Variants in TBXAS1 observed in about 807,000 individuals in gnomAD.
TBXAS1 encodes the protein thromboxane A synthase 1.
In TBXAS1, 48 loss-of-function variants were observed where a neutral mutation model predicts 60.7. That is an observed-to-expected ratio of 0.79 (90% CI 0.63 to 1.01). TBXAS1 has a LOEUF of 1.01. Ranked by LOEUF, TBXAS1 falls within the 50% of genes least tolerant of loss-of-function variation. TBXAS1 has a pLI of 0.00. For missense variants in TBXAS1, 685 were observed against 686.3 expected (o/e 1.00, Z 0.02); for synonymous variants, 287 against 269.7 (o/e 1.06, Z -0.63).
chr7:139,911,142 C>T (rs1805484249), intron 3 of TBXAS1, 83 bp from the exon 4 acceptor site: 8 of 1,176,836 alleles, frequency 6.8e-6, no homozygotes, highest in Non-Finnish European at 1.0e-5. Flanking sequence ...TTTTATCCCT[C>T]ATTCTAAGCT....
intron 3 of TBXAS1, among the ~76,000 whole-genome samples, chr7:139,876,998 CAA>C (rs1235519358): frequency 1.3e-5 from 2 of 152,180 alleles, no homozygotes; most frequent in Non-Finnish European, 2.9e-5. Context: ...GGCAAAGACT[CAA>C]GAGAGCAAGC....
At chr7:139,915,820 G>T (rs976121187) in intron 4 of TBXAS1, among the ~76,000 whole-genome samples, 1 of 152,236 alleles carries the variant, frequency 6.6e-6, no homozygotes, top group Non-Finnish European at 1.5e-5. Context: ...AGCAGACTGT[G>T]GGTTGGATCC....
At chr7:139,810,068 G>A (rs1218626376) in intron 4 of TBXAS1, among the ~76,000 whole-genome samples, 5 of 150,790 alleles carry the variant, frequency 3.3e-5, no homozygotes, top group East Asian at 1.9e-4. Context: ...ACAGGGTCTC[G>A]CTCTGTCACC....
intron 1 of TBXAS1, among the ~76,000 whole-genome samples, chr7:139,830,032 C>T (rs1024867250): frequency 2.0e-5 from 3 of 152,148 alleles, no homozygotes; most frequent in Non-Finnish European, 2.9e-5. Flanking sequence ...ATAGTGTGTG[C>T]AGCTCCTACA....
At chr7:139,937,444 A>G (rs1807880992) in intron 5 of TBXAS1, among the ~76,000 whole-genome samples, 1 of 152,218 alleles carries the variant, frequency 6.6e-6, no homozygotes, top group African/African-American at 2.4e-5. Flanking sequence ...TCCACACCTC[A>G]TTATATCCAA....
chr7:140,008,070 T>C (rs1814232192), intron 10 of TBXAS1, among the ~76,000 whole-genome samples: 1 of 152,210 alleles, frequency 6.6e-6, no homozygotes, highest in African/African-American at 2.4e-5. Context: ...ATGTGATAAA[T>C]TCCACTCAAC....
chr7:139,867,826 T>TAATAAATAAATA (rs55731121), intron 1 of TBXAS1, among the ~76,000 whole-genome samples: 1,808 of 146,940 alleles, frequency 0.012, 32 homozygotes, highest in African/African-American at 0.038. Context: ...CGAAAATAAA[T>TAATAAATAAATA]AATAAATAAA....
chr7:140,001,294 A>G (rs997602333), intron 9 of TBXAS1, among the ~76,000 whole-genome samples: 8 of 152,188 alleles, frequency 5.3e-5, no homozygotes, highest in Admixed American at 5.2e-4. Context: ...CTGGCTTGAA[A>G]TAAGAGAATA....
intron 4 of TBXAS1, among the ~76,000 whole-genome samples, chr7:139,799,830 G>T (rs1282718456): frequency 6.6e-6 from 1 of 152,158 alleles, no homozygotes; most frequent in Non-Finnish European, 1.5e-5. Flanking sequence ...CTTGGCTTCT[G>T]ACTCAGAGTG....
intron 4 of TBXAS1, among the ~76,000 whole-genome samples, chr7:139,795,539 T>C (rs552474990): frequency 7.7e-6 from 1 of 130,260 alleles, no homozygotes; most frequent in South Asian, 2.9e-4. Context: ...ATTTGTCAAT[T>C]TTGTCTTTTG....
intron 3 of TBXAS1, among the ~76,000 whole-genome samples, chr7:139,886,957 G>A (rs907822663): frequency 7.2e-5 from 11 of 152,078 alleles, no homozygotes; most frequent in African/African-American, 2.7e-4. Flanking sequence ...CTCTGTGTAG[G>A]AGCCCACAAG....
intron 3 of TBXAS1, among the ~76,000 whole-genome samples, chr7:139,877,157 C>A (rs1220861649): frequency 6.6e-6 from 1 of 152,202 alleles, no homozygotes; most frequent in African/African-American, 2.4e-5. Flanking sequence ...CTGGCCCAGC[C>A]TGACATTGAT....
chr7:139,942,211 G>A (rs748563281), intron 5 of TBXAS1, among the ~76,000 whole-genome samples: 13 of 152,296 alleles, frequency 8.5e-5, no homozygotes, highest in African/African-American at 2.2e-4. Context: ...ATGGAGGACC[G>A]AAAAGGCCCC....
chr7:139,920,735 T>A (rs1316221502), intron 4 of TBXAS1, among the ~76,000 whole-genome samples: 2 of 152,206 alleles, frequency 1.3e-5, no homozygotes, highest in Non-Finnish European at 2.9e-5. Flanking sequence ...TCTTAAAATG[T>A]GACCACTGTC....
chr7:139,940,143 A>G lies in TBXAS1; in HGVS notation c.450+3836A>G, dbSNP rs183500577. ...AGGAAAGAGTTTTCCTAATTCCAAA[A>G]GCAGCTCCCCTTTGCATATGAAGAG... is the stretch of plus-strand genomic sequence containing the variant. On this transcript the variant is annotated intron_variant, in intron 5 of 12. Coordinates refer to ENST00000448866, the MANE Select transcript of TBXAS1 (RefSeq NM_001061.7). Among the ~76,000 whole-genome samples the G allele has an allele frequency of 3.3e-5, 5 of 152,230 alleles. No homozygotes were observed. In the East Asian group the frequency reaches 9.6e-4, roughly 29 times the overall value.
rs143997696 is a variant in TBXAS1, at chr7:139,843,217, ACT to A, written c.89+13741_89+13742del. ...ACCTTCAAAATCTTGTCTAAATGTC[ACT>A]CTTCCATAAAGGTCTCCTCCATCAG... is the stretch of plus-strand genomic sequence containing the variant. On this transcript the variant is annotated intron_variant, in intron 1 of 12. Transcript: ENST00000448866. 8.3e-3 allele frequency among the ~76,000 whole-genome samples: 1,250 copies of A among 151,422 alleles called. 7 individuals are homozygous for A. Among genetic ancestry groups the A allele is most frequent in the Non-Finnish European group, 0.013 (903 of 67,848 alleles).
chr7:139,854,912 GT>G (rs1400650937), intron 1 of TBXAS1, among the ~76,000 whole-genome samples: 1 of 152,174 alleles, frequency 6.6e-6, no homozygotes, highest in African/African-American at 2.4e-5. Flanking sequence ...TACTCTGTAA[GT>G]ATCTTTGAAC....
Position 139,955,399 on chromosome 7 carries a change from G to A in TBXAS1, c.540-60G>A. On this transcript the variant is annotated intron_variant, in intron 6 of 12. Transcript: ENST00000448866. ...TTCAGGCCCTCCTCCTCTGGAGGGG[G>A]CCATTGTGGGTAGCCCCTGCCAGAG... The A allele has an allele frequency of 2.5e-6, 4 of 1,610,226 alleles. No homozygotes were observed. The South Asian group carries it at 4.4e-5, about 18-fold the overall frequency.
Position 140,004,866 on chromosome 7 carries a change from G to A in TBXAS1, c.1135-2225G>A, listed in dbSNP as rs1318739875. ...CCCCATCGAGAAACAGCCTCCGGCC[G>A]GCCCCGCCACATACACTGTGTGCTG... On this transcript the variant is annotated intron_variant, in intron 9 of 12. Coordinates refer to ENST00000448866, the MANE Select transcript of TBXAS1 (RefSeq NM_001061.7). This position sits in a 1 kb window ranked among gnomAD's most constrained non-coding sequence, Gnocchi z 5.1. Among the ~76,000 whole-genome samples the A allele has an allele frequency of 1.3e-5, 2 of 152,196 alleles. No homozygotes were observed. Among genetic ancestry groups the A allele is most frequent in the South Asian group, 2.1e-4 (1 of 4,832 alleles).
Sources: gnomAD v4.1 joint callset for allele counts (sites outside exome capture counted in the v4.1 genomes callset) on GRCh38, gnomAD v4.1.1 for gene constraint, Gnocchi (gnomAD v3.1) non-coding constraint, MANE v1.5 for transcripts, NCBI Gene and HGNC (gene_info 2026-07-23, HGNC 2026-07-21) for gene names.